The following GDAP1L1 variants were observed in gnomAD, a reference collection of about 807,000 sequenced individuals.
GDAP1L1 encodes ganglioside induced differentiation associated protein 1 like 1.
A neutral mutation model predicts 37.1 loss-of-function variants in GDAP1L1; 21 were observed. The ratio of observed to expected loss-of-function variants is 0.57; its 90% CI spans 0.40 to 0.81. The LOEUF is 0.81. Among genes scored for constraint, GDAP1L1 ranks in the 40% least tolerant of loss-of-function variants. The probability of loss-of-function intolerance (pLI) is 0.00; values close to 1 mark genes in which losing one functional copy is unlikely to be tolerated. For synonymous variants in GDAP1L1, 193 were observed against 209.1 expected, an observed-to-expected ratio of 0.92 and a Z score of 0.67; for missense variants, 362 against 491.6, an observed-to-expected ratio of 0.74 and a Z score of 2.49.
chr20:44,265,727 T>G (rs7272335), intron 5 of GDAP1L1, among the ~76,000 whole-genome samples: 3,123 of 152,294 alleles, frequency 0.021, 109 homozygotes, highest in African/African-American at 0.071. Flanking sequence ...TTAATACATA[T>G]GGCAGCTAAA....
At chr20:44,266,089 A>G (rs933170395) in intron 5 of GDAP1L1, among the ~76,000 whole-genome samples, 7 of 152,322 alleles carry the variant, frequency 4.6e-5, no homozygotes, top group Admixed American at 1.3e-4. Flanking sequence ...CGGGTGGATC[A>G]CCTGAGGTCA....
chr20:44,279,797 G>A lies in GDAP1L1; in HGVS notation c.*497G>A, dbSNP rs943155687. On this transcript the variant is annotated 3_prime_UTR_variant, in exon 6 of 6. Coordinates refer to ENST00000342560, the MANE Select transcript of GDAP1L1 (RefSeq NM_024034.6). ...TACCTCTGAATGGGGCTGGATAACC[G>A]GAGACCCCATGGGAGGTCCCTGAAG... 1.3e-5 allele frequency: 6 copies of A among 471,404 alleles called. No homozygotes were observed. The highest frequency in any genetic ancestry group is 3.1e-5 in the South Asian group (2 of 64,568). The allele number at this position is 471,404 out of a possible 1,614,324, so 29.2% of individuals were successfully genotyped here.
chr20:44,261,564 C>T (rs1170362222), intron 3 of GDAP1L1, among the ~76,000 whole-genome samples: 1 of 152,164 alleles, frequency 6.6e-6, no homozygotes, highest in African/African-American at 2.4e-5. Context: ...CTGACATAGC[C>T]ACTGCTCTCC....
intron 5 of GDAP1L1, 127 bp from the exon 6 acceptor site, chr20:44,278,830 T>C: frequency 1.5e-6 from 1 of 656,216 alleles, no homozygotes; most frequent in Non-Finnish European, 2.7e-6. Flanking sequence ...ACTGAAGTTG[T>C]ACAGGAATGA....
intron 5 of GDAP1L1, chr20:44,265,091 C>T (rs2073740617): frequency 3.0e-6 from 3 of 985,270 alleles, no homozygotes; most frequent in Admixed American, 6.1e-5. Context: ...CCTTACACAA[C>T]TTGATGGCCA....
chr20:44,248,105 C>G (rs1214928289), intron 1 of GDAP1L1, among the ~76,000 whole-genome samples: 1 of 152,210 alleles, frequency 6.6e-6, no homozygotes, highest in African/African-American at 2.4e-5. Context: ...TTAAACCATC[C>G]CCTCACACCA....
intron 2 of GDAP1L1, chr20:44,258,188 GGAC>G (rs1430059052): frequency 4.2e-6 from 3 of 717,608 alleles, no homozygotes; most frequent in African/African-American, 1.7e-5. Flanking sequence ...ACTGGGTCTA[GGAC>G]CCCGCCTGGC....
At chr20:44,278,897 G>A (rs1366912340) in intron 5 of GDAP1L1, 60 bp from the exon 6 acceptor site, 9 of 1,086,000 alleles carry the variant, frequency 8.3e-6, no homozygotes, top group Admixed American at 5.8e-5. Flanking sequence ...CTCATGGAGA[G>A]AAGCAAGTGT....
At chr20:44,264,423 C>A in intron 4 of GDAP1L1, 22 bp from the exon 5 acceptor site, 1 of 1,461,530 alleles carries the variant, frequency 6.8e-7, no homozygotes, top group South Asian at 1.5e-5. Context: ...CTCAGCTTCT[C>A]TTGGCCCTGT....
chr20:44,249,323 C>T (rs2073395607), intron 1 of GDAP1L1, among the ~76,000 whole-genome samples: 2 of 152,118 alleles, frequency 1.3e-5, no homozygotes, highest in South Asian at 4.1e-4. Flanking sequence ...CAGGTGTGAG[C>T]CACCAGGAGC....
intron 4 of GDAP1L1, 49 bp downstream of exon 4, chr20:44,263,376 C>T (rs189949124): frequency 3.5e-5 from 42 of 1,196,006 alleles, no homozygotes; most frequent in African/African-American, 2.9e-4. Flanking sequence ...AGCTCTTCCA[C>T]GGAAATGAAC....
At position 44,258,392 on chromosome 20, in the gene GDAP1L1, G is replaced by A. The variant is rs553730085; in HGVS notation, c.374-42G>A. 14 of 1,536,106 alleles carry A rather than the reference G, an allele frequency of 9.1e-6. No homozygotes were observed. In the African/African-American group the frequency reaches 1.2e-4, roughly 14 times the overall value. ...CCGGGGGCAGGTGGCCGGGGCAGGT[G>A]CCCCTCTGGCTTCCCTGCCCAGCCC... On this transcript the variant is annotated intron_variant, in intron 2 of 5. Transcript: ENST00000342560.
At chr20:44,251,402 A>G (rs1414088992) in intron 1 of GDAP1L1, among the ~76,000 whole-genome samples, 4 of 152,208 alleles carry the variant, frequency 2.6e-5, no homozygotes, top group Admixed American at 6.5e-5. Context: ...CCCAGCCTTC[A>G]GATCCCAGGG....
chr20:44,257,076 CG>C (rs1555799214), intron 1 of GDAP1L1, 76 bp from the exon 2 acceptor site: 3 of 1,434,434 alleles, frequency 2.1e-6, no homozygotes, highest in Non-Finnish European at 2.8e-6. Context: ...CCTCCCTCCC[CG>C]CACACCCCCG....
chr20:44,255,437 G>C (rs1330136313), intron 1 of GDAP1L1, among the ~76,000 whole-genome samples: 1 of 150,888 alleles, frequency 6.6e-6, no homozygotes, highest in African/African-American at 2.4e-5. Context: ...AGCTACTCGG[G>C]AGGCTGAGGT....
At chr20:44,252,500 C>T (rs182208881) in intron 1 of GDAP1L1, among the ~76,000 whole-genome samples, 7 of 152,262 alleles carry the variant, frequency 4.6e-5, no homozygotes, top group African/African-American at 1.7e-4. Flanking sequence ...ATTAGCTGGG[C>T]GTGGTGGTGT....
intron 5 of GDAP1L1, among the ~76,000 whole-genome samples, chr20:44,271,788 C>T (rs755712337): frequency 1.3e-5 from 2 of 152,016 alleles, no homozygotes; most frequent in Admixed American, 6.5e-5. Flanking sequence ...ACAGGAGGGG[C>T]GTGGTTCAGG....
chr20:44,255,541 C>CAAAAAAAAAAAAAAAAAA (rs60318296), intron 1 of GDAP1L1, among the ~76,000 whole-genome samples: 1 of 45,778 alleles, frequency 2.2e-5, no homozygotes, highest in Non-Finnish European at 4.7e-5. Flanking sequence ...GACTCTGTCT[C>CAAAAAAAAAAAAAAAAAA]AAAAAAAAAA....
chr20:44,251,846 A>G (rs79893446), intron 1 of GDAP1L1, among the ~76,000 whole-genome samples: 3,730 of 150,170 alleles, frequency 0.025, 57 homozygotes, highest in Non-Finnish European at 0.037. Flanking sequence ...TTAGATTAGA[A>G]CGAAAACCAA....
Sources: gnomAD v4.1 joint callset for allele counts (sites outside exome capture counted in the v4.1 genomes callset) on GRCh38, gnomAD v4.1.1 for gene constraint, MANE v1.5 for transcripts, NCBI Gene and HGNC (gene_info 2026-07-23, HGNC 2026-07-21) for gene names.